The following ANKS1B variants were observed in gnomAD, a reference collection of about 807,000 sequenced individuals.
The protein encoded by ANKS1B is ankyrin repeat and sterile alpha motif domain-containing protein 1B.
In ANKS1B, 36 loss-of-function variants were observed where a neutral mutation model predicts 148.3. The observed-to-expected ratio is 0.24, with a 90% CI of 0.19 to 0.32. The LOEUF (loss-of-function observed/expected upper bound fraction) is 0.32. Among genes scored for constraint, ANKS1B ranks in the 10% least tolerant of loss-of-function variants. The pLI, the probability that ANKS1B is intolerant of heterozygous loss-of-function variation, is 1.00. For synonymous variants in ANKS1B, 542 were observed against 560.8 expected, an observed-to-expected ratio of 0.97 and a Z score of 0.47; for missense variants, 1,157 against 1,542.6, an observed-to-expected ratio of 0.75 and a Z score of 4.19.
chr12:99,123,240 G>T (rs2153731137), intron 15 of ANKS1B, among the ~76,000 whole-genome samples: 1 of 152,142 alleles, frequency 6.6e-6, no homozygotes, highest in African/African-American at 2.4e-5. Flanking sequence ...TGCTGTGTTA[G>T]GGTGAGGAGA....
At chr12:99,105,105 A>C (rs1158968752) in intron 15 of ANKS1B, 2 of 152,278 alleles carry the variant, frequency 1.3e-5, no homozygotes, top group Non-Finnish European at 2.9e-5. Context: ...ATCCAGACGA[A>C]AGAAATAATG....
At chr12:99,959,267 C>T (rs1330927203) in intron 1 of ANKS1B, among the ~76,000 whole-genome samples, 7 of 127,094 alleles carry the variant, frequency 5.5e-5, no homozygotes, top group South Asian at 5.1e-4. Context: ...TCAGTAGAGA[C>T]GGAGTTTCAC....
chr12:99,293,525 T>A (rs1478754099), intron 12 of ANKS1B, among the ~76,000 whole-genome samples: 3 of 151,844 alleles, frequency 2.0e-5, no homozygotes, highest in Non-Finnish European at 4.4e-5. Flanking sequence ...ATAAATCAAA[T>A]CAAAATGGAT....
chr12:98,997,189 T>G (rs1242792368), intron 17 of ANKS1B, among the ~76,000 whole-genome samples: 1 of 152,128 alleles, frequency 6.6e-6, no homozygotes, highest in East Asian at 1.9e-4. Context: ...CCATATAAAA[T>G]TACTAAAAGG....
intron 12 of ANKS1B, among the ~76,000 whole-genome samples, chr12:99,349,997 G>A (rs2091220053): frequency 6.6e-6 from 1 of 151,964 alleles, no homozygotes; most frequent in Admixed American, 6.6e-5. Context: ...TATTGATATG[G>A]TTTGGATCTG....
In ANKS1B at chr12:98,989,736, T is replaced by C. The variant is rs567747945; in HGVS notation, c.2778+63421A>G. 4.6e-5 allele frequency among the ~76,000 whole-genome samples: 7 copies of C among 152,042 alleles called. No individual in the cohort carries two copies. The South Asian group carries it at 1.3e-3, about 27-fold the overall frequency. ...GGGAGGATCATTTGAACCCAGGATT[T>C]TGAAAAATTAGCTGGGTGCAATGGC... On this transcript the variant is annotated intron_variant, in intron 17 of 26. Transcript: ENST00000683438.
intron 17 of ANKS1B, among the ~76,000 whole-genome samples, chr12:98,862,050 T>C (rs2099601787): frequency 6.6e-6 from 1 of 152,252 alleles, no homozygotes; most frequent in African/African-American, 2.4e-5. Context: ...GCCATGATTT[T>C]AGAGTGACAG....
chr12:98,895,169 C>A (rs1567644823), intron 17 of ANKS1B: 1 of 984,928 alleles, frequency 1.0e-6, no homozygotes, highest in Non-Finnish European at 1.2e-6. Context: ...GCGATGCGGG[C>A]CCAGGCGCGG....
At chr12:99,295,388 A>T (rs1006393662) in intron 12 of ANKS1B, among the ~76,000 whole-genome samples, 1 of 152,060 alleles carries the variant, frequency 6.6e-6, no homozygotes, top group African/African-American at 2.4e-5. Flanking sequence ...TTGCTCATTT[A>T]AAAAAATTGT....
intron 1 of ANKS1B, among the ~76,000 whole-genome samples, chr12:99,866,385 G>A (rs1645333058): frequency 6.6e-6 from 1 of 152,152 alleles, no homozygotes; most frequent in South Asian, 2.1e-4. Context: ...CTTAAAGGGG[G>A]CATTTTTGTT....
At chr12:99,851,520 T>G (rs1157481028) in intron 1 of ANKS1B, among the ~76,000 whole-genome samples, 1 of 152,172 alleles carries the variant, frequency 6.6e-6, no homozygotes, top group Non-Finnish European at 1.5e-5. Context: ...AATAAGAAAT[T>G]GCTTTTAACC....
chr12:99,126,416 T>C (rs563199847), intron 15 of ANKS1B, among the ~76,000 whole-genome samples: 1 of 152,314 alleles, frequency 6.6e-6, no homozygotes, highest in South Asian at 2.1e-4. Flanking sequence ...TTAAGTCTAG[T>C]ATTTCAATTT....
intron 8 of ANKS1B, among the ~76,000 whole-genome samples, chr12:99,691,935 A>G (rs1267922908): frequency 1.3e-5 from 2 of 152,214 alleles, no homozygotes; most frequent in African/African-American, 2.4e-5. Flanking sequence ...CTCATGGAAT[A>G]TGTTTAAGAG....
chr12:98,866,140 C>T (rs553450262), intron 17 of ANKS1B, among the ~76,000 whole-genome samples: 50 of 152,180 alleles, frequency 3.3e-4, no homozygotes, highest in Non-Finnish European at 6.8e-4. Flanking sequence ...GAGACACAAA[C>T]GTTCATATCT....
intron 8 of ANKS1B, among the ~76,000 whole-genome samples, chr12:99,759,839 C>T (rs1452083860): frequency 6.6e-6 from 1 of 151,880 alleles, no homozygotes; most frequent in Admixed American, 6.6e-5. Flanking sequence ...TTCAGGAAAA[C>T]ATTACAATTA....
At chr12:99,976,231 T>A (rs2095626933) in intron 1 of ANKS1B, among the ~76,000 whole-genome samples, 1 of 152,152 alleles carries the variant, frequency 6.6e-6, no homozygotes, top group South Asian at 2.1e-4. Flanking sequence ...AAACAGCCTA[T>A]TAGGTACTAT....
chr12:98,902,099 G>A (rs1234137447), intron 17 of ANKS1B, among the ~76,000 whole-genome samples: 6 of 152,126 alleles, frequency 3.9e-5, no homozygotes, highest in South Asian at 2.1e-4. Context: ...TTTTCCTGAA[G>A]GCAAGCAGGC....
At chr12:99,956,754 C>G (rs1376980869) in intron 1 of ANKS1B, among the ~76,000 whole-genome samples, 2 of 152,160 alleles carry the variant, frequency 1.3e-5, no homozygotes, top group Non-Finnish European at 2.9e-5. Flanking sequence ...AGTACATTCT[C>G]TCAATTTTAG....
Position 99,654,908 on chromosome 12 carries a change from T to C in ANKS1B, c.1272+159A>G, listed in dbSNP as rs557346223. ...ATGTACACATATGCACACCAAGTTA[T>C]ATGCACATTTTACTTGACACTTTGA... On this transcript the variant is annotated intron_variant, in intron 9 of 26. Transcript: ENST00000683438. Among the ~76,000 whole-genome samples the C allele has an allele frequency of 5.9e-5, 9 of 152,342 alleles. No individual in the cohort carries two copies. In the South Asian group the frequency reaches 1.7e-3, roughly 28 times the overall value.
Sources: gnomAD v4.1 joint callset for allele counts (sites outside exome capture counted in the v4.1 genomes callset) on GRCh38, gnomAD v4.1.1 for gene constraint, MANE v1.5 for transcripts, NCBI Gene and HGNC (gene_info 2026-07-23, HGNC 2026-07-21) for gene names.